Variants in PEAR1 observed in about 807,000 individuals in gnomAD.
PEAR1 encodes the protein multiple EGF-like domains protein 12.
In PEAR1, 113 loss-of-function variants were observed where a neutral mutation model predicts 131.2. That is an observed-to-expected ratio of 0.86 (90% CI 0.74 to 1.01). The LOEUF is 1.01. Ranked by LOEUF, PEAR1 falls within the 50% of genes least tolerant of loss-of-function variation. The pLI is 0.00. For synonymous variants in PEAR1, 565 were observed against 523.3 expected, an observed-to-expected ratio of 1.08 and a Z score of -1.09; for missense variants, 1,408 against 1,391.1, an observed-to-expected ratio of 1.01 and a Z score of -0.19.
intron 17 of PEAR1, 66 bp from the exon 18 acceptor site, chr1:156,912,704 C>T (rs1425916470): frequency 5.0e-6 from 8 of 1,611,374 alleles, no homozygotes; most frequent in Non-Finnish European, 6.8e-6. Context: ...CTACTTCCCT[C>T]CTGAGCACCT....
At chr1:156,913,649 G>A (rs777731807) in intron 20 of PEAR1, 43 bp from the exon 21 acceptor site, 101 of 1,606,254 alleles carry the variant, frequency 6.3e-5, no homozygotes, top group Admixed American at 1.7e-5. Flanking sequence ...TGAGCCGGGG[G>A]AGGGGACAGA....
In PEAR1 at chr1:156,912,589, C is replaced by T. The variant is rs1177382009; in HGVS notation, c.2176C>T (p.Pro726Ser). ...CHPETGACVC[P>S]PGHSGAPCRI... ...CCCAGAGACTGGGGCCTGTGTATGT[C>T]CCCCAGGGCACAGTGGTGCACCTTG... is the stretch of plus-strand genomic sequence containing the variant. The change falls in exon 17 of 23, where the codon CCC (proline) becomes TCC (serine). Residue 726 changes from proline to serine, a missense_variant. Transcript: ENST00000292357. 6.2e-7 allele frequency: 1 copy of T among 1,613,982 alleles called. No homozygotes were observed. Among genetic ancestry groups the T allele is most frequent in the Non-Finnish European group, 8.5e-7 (1 of 1,179,960 alleles).
chr1:156,907,474 C>A, intron 6 of PEAR1, 136 bp from the exon 7 acceptor site: 1 of 1,424,634 alleles, frequency 7.0e-7, no homozygotes, highest in African/African-American at 1.5e-5. Context: ...CTTTCTGACT[C>A]GACAGTCCCC....
rs531044292 is a variant in PEAR1, at chr1:156,913,953, C to T, written c.2815C>T (p.Arg939Trp). 33 of 1,613,984 alleles carry T rather than the reference C, an allele frequency of 2.0e-5. No homozygotes were observed. Among genetic ancestry groups the T allele is most frequent in the African/African-American group, 1.3e-4 (10 of 75,048 alleles). Residue 939 changes from arginine to tryptophan, a missense_variant, in exon 22 of 23, where the codon CGG becomes TGG. By Grantham distance (101) the Arg-to-Trp change is moderately radical. Transcript: ENST00000292357. ...RDLPSLPGGP[R>W]ESSYMEMKGP... Reference sequence around the variant, plus strand: ...CCTGCCCAGCTTGCCAGGGGGCCCCCGGGAGAGCAGCTACATGGAGATGAA... The same window carrying T: ...CCTGCCCAGCTTGCCAGGGGGCCCCTGGGAGAGCAGCTACATGGAGATGAA...
At chr1:156,909,715 G>C (rs764099091) in intron 11 of PEAR1, 36 bp from the exon 12 acceptor site, 5 of 1,559,782 alleles carry the variant, frequency 3.2e-6, no homozygotes, top group Non-Finnish European at 4.4e-6. Flanking sequence ...GAAGGGAAAT[G>C]GGTCCCCATA....
At position 156,906,356 on chromosome 1, in the gene PEAR1, G is replaced by A. The variant is rs780057120; in HGVS notation, c.388G>A (p.Asp130Asn). The change falls in exon 5 of 23, where the codon GAC (aspartate) becomes AAC (asparagine). Residue 130 changes from aspartate (D) to asparagine (N), a missense_variant. Transcript: ENST00000292357. ...CQCVPGWRGD[D>N]CSSECAPGMW... ...ATGTGTGCCAGGCTGGCGGGGCGAC[G>A]ACTGTTCCAGTGGTGAGTGGCTACT... The A allele has an allele frequency of 2.5e-6, 4 of 1,614,150 alleles. No individual in the cohort carries two copies. The highest frequency in any genetic ancestry group is 2.2e-5 in the South Asian group (2 of 91,060).
rs759345473 is a variant in PEAR1 at position 156,910,012 on chromosome 1, C to T, written c.1582C>T (p.Gln528Ter). ...TCCCCACTCCTTCTCCAAGAAGGGG[C>T]AGTTTGGAGAAGGTTGTGCCAGTCG... ...AHCQLPCPKG[Q>*]FGEGCASRCD... is the part of the protein sequence containing the mutation. Residue 528 changes from glutamine to a stop codon, truncating the protein, a stop_gained, in exon 13 of 23, where the codon CAG becomes TAG. Coordinates refer to ENST00000292357, the MANE Select transcript of PEAR1 (RefSeq NM_001080471.3). LOFTEE classifies it high-confidence loss of function. 3 of 1,613,644 alleles carry T rather than the reference C, an allele frequency of 1.9e-6. No individual in the cohort carries two copies. The highest frequency in any genetic ancestry group is 2.5e-6 in the Non-Finnish European group (3 of 1,180,022).
Position 156,908,240 on chromosome 1 carries a change from G to C in PEAR1, c.1015G>C (p.Gly339Arg). The C allele has an allele frequency of 1.3e-6, 2 of 1,599,798 alleles. No individual in the cohort carries two copies. Among genetic ancestry groups the C allele is most frequent in the Non-Finnish European group, 1.7e-6 (2 of 1,177,470 alleles). The change falls in exon 9 of 23, where the codon GGC (glycine) becomes CGC (arginine). Residue 339 changes from glycine to arginine, a missense_variant. Transcript: ENST00000292357. This position sits in a 1 kb window ranked among gnomAD's most constrained non-coding sequence, Gnocchi z 4.2. ...PANGACLCEHGFTGDRCTDRL... is the reference protein window; with the variant it reads ...PANGACLCEHRFTGDRCTDRL... ...CAACGGCGCATGTCTGTGCGAACAC[G>C]GCTTCACTGGGGACCGCTGCACGGA...
chr1:156,908,334 G>A lies in PEAR1; in HGVS notation c.1109G>A (p.Ser370Asn). 1 of 1,529,110 alleles carries A rather than the reference G, an allele frequency of 6.5e-7. No individual in the cohort carries two copies. The allele number at this position is 1,529,110 out of a possible 1,614,324, so 94.7% of individuals were successfully genotyped here. ...CCCTGCACCTGCGACCGGGAGCACA[G>A]CCTCAGGTGGGCCGCGGGACATGTG... ...QAPCTCDREHSLSCHPMNGEC... is the reference protein window; with the variant it reads ...QAPCTCDREHNLSCHPMNGEC... The change falls in exon 9 of 23, where the codon AGC becomes AAC. Residue 370 changes from serine (S) to asparagine (N), a missense_variant. By Grantham distance (46) the Ser-to-Asn change is conservative. Transcript: ENST00000292357. This position sits in a 1 kb window ranked among gnomAD's most constrained non-coding sequence, Gnocchi z 4.2.
intron 1 of PEAR1, among the ~76,000 whole-genome samples, chr1:156,899,746 G>A (rs1208451570): frequency 6.6e-6 from 1 of 151,898 alleles, no homozygotes; most frequent in Non-Finnish European, 1.5e-5. Context: ...TACAAAGGAA[G>A]CACTAATCTT....
At chr1:156,907,504 G>C in intron 6 of PEAR1, 106 bp from the exon 7 acceptor site, 3 of 1,478,518 alleles carry the variant, frequency 2.0e-6, no homozygotes, top group Non-Finnish European at 2.7e-6. Context: ...GAGCAAGTGT[G>C]AATCACTAAG....
rs531512013 is a variant in PEAR1 at position 156,905,504 on chromosome 1, G to A, written c.307+80G>A. ...TAGCCTACTCTTCTGAGTCCCTCCC[G>A]GCCCCCGCTAGAATGGGGTTACTCC... On this transcript the variant is annotated intron_variant, in intron 4 of 22. Transcript: ENST00000292357. 3.4e-5 allele frequency: 44 copies of A among 1,275,570 alleles called. No homozygotes were observed. The East Asian group carries it at 5.5e-4, about 16-fold the overall frequency. The allele number at this position is 1,275,570 out of a possible 1,614,324, so 79.0% of individuals were successfully genotyped here. A position where few individuals can be genotyped will look rare whatever the true frequency, so the allele number is the denominator to read the frequency against.
chr1:156,896,948 C>T (rs143247097), intron 1 of PEAR1, among the ~76,000 whole-genome samples: 6 of 152,332 alleles, frequency 3.9e-5, no homozygotes, highest in East Asian at 1.9e-4. Flanking sequence ...TCATCAAACA[C>T]GCACCTCATT....
rs1278889542 is a variant in PEAR1, at chr1:156,904,854, T to C, written c.206+2T>C. On this transcript the variant is annotated splice_donor_variant, in intron 3 of 22. Coordinates refer to ENST00000292357, the MANE Select transcript of PEAR1 (RefSeq NM_001080471.3). LOFTEE classifies it high-confidence loss of function. ...CCCCCATACTTGCCCCCAGCCCACG[T>C]GAGTGCTCCTCATCCTCCATGGGTG... 5 of 1,613,846 alleles carry C rather than the reference T, an allele frequency of 3.1e-6. No individual in the cohort carries two copies. Among genetic ancestry groups the C allele is most frequent in the Non-Finnish European group, 4.2e-6 (5 of 1,179,910 alleles).
chr1:156,908,691 G>T lies in PEAR1; in HGVS notation c.1152G>T (p.Pro384=), dbSNP rs764577624. Residue 384 remains proline, a synonymous_variant, in exon 10 of 23, where the codon CCG becomes CCT. Transcript: ENST00000292357. The surrounding 1 kb of genome is among the most constrained non-coding windows in gnomAD (Gnocchi z 4.2). ...TGAACGGGGAGTGCTCCTGCCTGCC[G>T]GGCTGGGCGGGCCTCCACTGCAACG... The part of the protein sequence containing the change: ...HPMNGECSCL[P]GWAGLHCNES... 3.3e-6 allele frequency: 5 copies of T among 1,537,000 alleles called. No homozygotes were observed. Among genetic ancestry groups the T allele is most frequent in the Non-Finnish European group, 3.5e-6 (4 of 1,146,502 alleles).
rs145923431 is a variant in PEAR1, at chr1:156,912,842, T to C, written c.2282T>C (p.Ile761Thr). ...AYNSLGAVIG[I>T]AVLGSLVVAL... ...AACTCGCTGGGTGCAGTGATTGGCA[T>C]TGCAGTGCTGGGGTCCCTTGTGGTA... The change falls in exon 18 of 23, where the codon ATT (isoleucine) becomes ACT (threonine). Residue 761 changes from isoleucine to threonine, a missense_variant. Transcript: ENST00000292357. 135 of 1,614,114 alleles carry C rather than the reference T, an allele frequency of 8.4e-5. No individual in the cohort carries two copies. Among genetic ancestry groups the C allele is most frequent in the Non-Finnish European group, 1.0e-4 (120 of 1,180,058 alleles).
intron 2 of PEAR1, among the ~76,000 whole-genome samples, 198 bp from the exon 3 acceptor site, chr1:156,904,550 A>G (rs1015396187): frequency 3.3e-5 from 5 of 152,160 alleles, no homozygotes; most frequent in African/African-American, 1.2e-4. Flanking sequence ...AGGGTATCCC[A>G]GGAACCTTCC....
At position 156,905,340 on chromosome 1, in the gene PEAR1, G is replaced by A. The variant is rs374421277; in HGVS notation, c.223G>A (p.Val75Met). ...CPQPTVVYRT[V>M]YRQVVKTDHR... ...CCTCCGCAGGGTTGTATACCGGACC[G>A]TGTACCGTCAGGTGGTGAAGACGGA... The change falls in exon 4 of 23, where the codon GTG becomes ATG. Residue 75 changes from valine to methionine, a missense_variant. Val to Met is a conservative substitution (Grantham distance 21). Transcript: ENST00000292357. 129 of 1,611,876 alleles carry A rather than the reference G, an allele frequency of 8.0e-5. No individual in the cohort carries two copies. The highest frequency in any genetic ancestry group is 1.0e-4 in the Non-Finnish European group (122 of 1,179,584).
At chr1:156,910,201 C>A in intron 13 of PEAR1, 33 bp from the exon 14 acceptor site, 1 of 1,610,830 alleles carries the variant, frequency 6.2e-7, no homozygotes. Flanking sequence ...GAAGGGGGCC[C>A]AGCCAGGCAC....
Sources: gnomAD v4.1 joint callset for allele counts (sites outside exome capture counted in the v4.1 genomes callset) on GRCh38, gnomAD v4.1.1 for gene constraint, Gnocchi (gnomAD v3.1) non-coding constraint, MANE v1.5 for transcripts, NCBI Gene and HGNC (gene_info 2026-07-23, HGNC 2026-07-21) for gene names.